MACROD2: variants seen among roughly 807,000 people sequenced by gnomAD.
MACROD2 encodes the protein ADP-ribose glycohydrolase MACROD2.
MACROD2 carries 36 observed loss-of-function variants against 70.4 expected under a neutral mutation model. The ratio of observed to expected loss-of-function variants is 0.51; its 90% CI spans 0.39 to 0.68. The LOEUF is 0.68. Ranked by LOEUF, MACROD2 falls within the 30% of genes least tolerant of loss-of-function variation. The pLI is 0.00. For missense variants in MACROD2, 496 were observed against 538.4 expected, an observed-to-expected ratio of 0.92 and a Z score of 0.78; for synonymous variants, 172 against 178.8, an observed-to-expected ratio of 0.96 and a Z score of 0.30.
intron 6 of MACROD2, among the ~76,000 whole-genome samples, chr20:15,373,032 C>T (rs1381338700): frequency 6.6e-6 from 1 of 152,064 alleles, no homozygotes; most frequent in Non-Finnish European, 1.5e-5. Flanking sequence ...TGCACTCCAG[C>T]CTGGGCCACA....
chr20:14,534,298 C>T (rs1009024534), intron 4 of MACROD2, among the ~76,000 whole-genome samples: 1 of 152,064 alleles, frequency 6.6e-6, no homozygotes, highest in South Asian at 2.1e-4. Flanking sequence ...GGTCACTTTT[C>T]TGGGTCTTGT....
chr20:14,814,732 A>G (rs1372785514), intron 5 of MACROD2, among the ~76,000 whole-genome samples: 1 of 151,982 alleles, frequency 6.6e-6, no homozygotes, highest in Non-Finnish European at 1.5e-5. Flanking sequence ...TGACAAAGTT[A>G]TTGTCATCCT....
intron 3 of MACROD2, among the ~76,000 whole-genome samples, chr20:14,414,222 T>C (rs900460929): frequency 6.6e-6 from 1 of 152,188 alleles, no homozygotes; most frequent in Non-Finnish European, 1.5e-5. Context: ...AAACAAATCT[T>C]CTGGCCCCCT....
At chr20:15,744,934 G>A (rs1447488971) in intron 8 of MACROD2, among the ~76,000 whole-genome samples, 1 of 144,088 alleles carries the variant, frequency 6.9e-6, no homozygotes, top group African/African-American at 2.7e-5. Context: ...TTTTTGAAGT[G>A]TACATTTTTT....
chr20:16,033,580 A>G (rs979990199), intron 15 of MACROD2, among the ~76,000 whole-genome samples: 2 of 152,094 alleles, frequency 1.3e-5, no homozygotes, highest in Non-Finnish European at 2.9e-5. Flanking sequence ...AATATTAATC[A>G]GGCATTTATG....
rs138502540 is a variant in MACROD2 at position 15,505,084 on chromosome 20, C to T, written c.645+5237C>T. ...ACTCATATGGCATTTGGCTATTGGT[C>T]TCTGAGACAATGCACATATTTGCCA... On this transcript the variant is annotated intron_variant, in intron 8 of 17. Coordinates refer to ENST00000684519, the MANE Select transcript of MACROD2 (RefSeq NM_001351661.2). 1.4e-3 allele frequency among the ~76,000 whole-genome samples: 216 copies of T among 152,272 alleles called. 1 individual carries two copies. Among genetic ancestry groups the T allele is most frequent in the African/African-American group, 4.8e-3 (201 of 41,546 alleles).
chr20:14,514,891 T>A (rs1310219191), intron 4 of MACROD2, among the ~76,000 whole-genome samples: 5 of 152,152 alleles, frequency 3.3e-5, no homozygotes, highest in Non-Finnish European at 7.4e-5. Flanking sequence ...TTAGTGAATA[T>A]GTCTGCTAAA....
At chr20:14,556,517 G>A (rs532980121) in intron 4 of MACROD2, among the ~76,000 whole-genome samples, 1 of 152,080 alleles carries the variant, frequency 6.6e-6, no homozygotes, top group East Asian at 1.9e-4. Flanking sequence ...CCAGGTGAAG[G>A]GTGGCTTTAC....
intron 5 of MACROD2, among the ~76,000 whole-genome samples, chr20:15,040,317 GAA>G (rs11087118): frequency 2.1e-5 from 3 of 140,586 alleles, no homozygotes; most frequent in Admixed American, 7.1e-5. Context: ...TCCGTCTCAG[GAA>G]AAAAAAAAAA....
chr20:15,051,550 T>C (rs374217433), intron 5 of MACROD2, among the ~76,000 whole-genome samples: 1 of 152,160 alleles, frequency 6.6e-6, no homozygotes, highest in East Asian at 1.9e-4. Context: ...ACCTCAGTTT[T>C]GCTCTTAAAG....
intron 8 of MACROD2, among the ~76,000 whole-genome samples, chr20:15,505,209 A>G (rs375828930): frequency 1.6e-4 from 24 of 152,282 alleles, no homozygotes; most frequent in Admixed American, 2.0e-4. Context: ...GTCATATTCA[A>G]TATTTCAGAT....
chr20:14,408,691 C>T (rs934704617), intron 3 of MACROD2, among the ~76,000 whole-genome samples: 15 of 152,098 alleles, frequency 9.9e-5, no homozygotes, highest in African/African-American at 3.6e-4. Flanking sequence ...TATATTGGTT[C>T]ATTAGCCATA....
intron 8 of MACROD2, among the ~76,000 whole-genome samples, chr20:15,716,554 G>A (rs926902729): frequency 2.0e-5 from 3 of 152,178 alleles, no homozygotes; most frequent in African/African-American, 7.2e-5. Flanking sequence ...TGAGTTTGAG[G>A]TTTTTAAAAG....
At chr20:14,628,150 A>G (rs1984292264) in intron 4 of MACROD2, among the ~76,000 whole-genome samples, 5 of 152,208 alleles carry the variant, frequency 3.3e-5, no homozygotes, top group Admixed American at 3.3e-4. Context: ...TGGAGAAAAG[A>G]AAACACTTCT....
At chr20:14,307,805 C>G (rs901533755) in intron 3 of MACROD2, among the ~76,000 whole-genome samples, 5 of 151,990 alleles carry the variant, frequency 3.3e-5, no homozygotes, top group Non-Finnish European at 1.5e-5. Context: ...TATTTGCCTC[C>G]TTTTCTAGAT....
At position 15,468,696 on chromosome 20, in the gene MACROD2, C is replaced by A. The variant is rs553902714; in HGVS notation, c.572-31078C>A. ...TATTTTTTCTATTATCCGTCTTCTG[C>A]TGTTCTTGCATCCTTTCTCCTCAGA... On this transcript the variant is annotated intron_variant, in intron 7 of 17. Coordinates refer to ENST00000684519, the MANE Select transcript of MACROD2 (RefSeq NM_001351661.2). Among the ~76,000 whole-genome samples the A allele has an allele frequency of 6.6e-5, 10 of 152,286 alleles. No individual in the cohort carries two copies. In the South Asian group the frequency reaches 1.9e-3, roughly 28 times the overall value.
chr20:15,219,152 G>A (rs867202694), intron 5 of MACROD2, among the ~76,000 whole-genome samples: 1 of 152,190 alleles, frequency 6.6e-6, no homozygotes, highest in African/African-American at 2.4e-5. Flanking sequence ...AGACATCACT[G>A]TTTCTTCAAA....
intron 3 of MACROD2, chr20:14,086,225 AT>A: frequency 2.6e-6 from 1 of 382,884 alleles, no homozygotes; most frequent in Non-Finnish European, 5.2e-6. Flanking sequence ...GAAATGCTTA[AT>A]TTTAACCAGC....
At chr20:15,886,988 G>T (rs1601060826) in intron 10 of MACROD2, among the ~76,000 whole-genome samples, 1 of 152,016 alleles carries the variant, frequency 6.6e-6, no homozygotes, top group Non-Finnish European at 1.5e-5. Flanking sequence ...CCTCATTTTG[G>T]CAGTCACAGT....
Sources: allele counts gnomAD v4.1 joint callset (sites outside exome capture counted in the v4.1 genomes callset), GRCh38; gene constraint gnomAD v4.1.1; transcripts MANE v1.5; gene names NCBI Gene and HGNC (gene_info 2026-07-23, HGNC 2026-07-21).